The following PPP1R7 variants were observed in gnomAD, a reference collection of about 807,000 sequenced individuals.
PPP1R7 encodes the protein protein phosphatase 1 regulatory subunit 22.
PPP1R7 carries 18 observed loss-of-function variants against 45.2 expected under a neutral mutation model. The observed-to-expected ratio is 0.40, with a 90% confidence interval of 0.28 to 0.59. The LOEUF is 0.59. Among genes scored for constraint, PPP1R7 ranks in the 20% least tolerant of loss-of-function variants. PPP1R7 has a pLI of 0.46. For missense variants in PPP1R7, 314 were observed against 455.8 expected, an observed-to-expected ratio of 0.69 and a Z score of 2.83; for synonymous variants, 181 against 183.4, an observed-to-expected ratio of 0.99 and a Z score of 0.11.
intron 7 of PPP1R7, among the ~76,000 whole-genome samples, chr2:241,165,639 G>C (rs889111847): frequency 2.2e-4 from 34 of 152,134 alleles, no homozygotes; most frequent in African/African-American, 7.0e-4. Flanking sequence ...TGTCACCCAG[G>C]CTGGAGTGCA....
upstream of PPP1R7, chr2:241,150,308 TG>T: frequency 7.5e-7 from 1 of 1,335,350 alleles, no homozygotes; most frequent in Non-Finnish European, 9.6e-7. Context: ...TTACCTGCTC[TG>T]GGGGAGGCGC....
upstream of PPP1R7, chr2:241,150,413 G>C: frequency 8.1e-7 from 1 of 1,229,728 alleles, no homozygotes; most frequent in Non-Finnish European, 1.0e-6. Context: ...GAATCCCATT[G>C]GCAGGGCCGG....
intron 5 of PPP1R7, 123 bp downstream of exon 5, chr2:241,159,466 T>A (rs1018183536): frequency 9.6e-6 from 12 of 1,254,272 alleles, no homozygotes; most frequent in Non-Finnish European, 1.3e-5. Context: ...TGCCACAGGG[T>A]CCTGCCCTGC....
At chr2:241,154,542 G>A (rs57876287) in intron 2 of PPP1R7, among the ~76,000 whole-genome samples, 3 of 149,944 alleles carry the variant, frequency 2.0e-5, no homozygotes, top group Non-Finnish European at 2.9e-5. Flanking sequence ...ACAAAAAAAA[G>A]AAAAAAAGAA....
At chr2:241,162,506 G>A (rs1340395257) in intron 6 of PPP1R7, among the ~76,000 whole-genome samples, 1 of 152,124 alleles carries the variant, frequency 6.6e-6, no homozygotes, top group Non-Finnish European at 1.5e-5. Flanking sequence ...GTTGAATAGA[G>A]GAGCACACGA....
chr2:241,173,707 C>G (rs1054665624), intron 9 of PPP1R7, among the ~76,000 whole-genome samples: 3 of 152,234 alleles, frequency 2.0e-5, no homozygotes, highest in African/African-American at 7.2e-5. Context: ...GTTCCCCTGG[C>G]ACTAGCGAGG....
At chr2:241,156,462 G>A (rs1230689442) in intron 2 of PPP1R7, among the ~76,000 whole-genome samples, 1 of 152,192 alleles carries the variant, frequency 6.6e-6, no homozygotes, top group African/African-American at 2.4e-5. Context: ...CTTGAGGCTA[G>A]GAGTTCCAGA....
chr2:241,168,297 C>T (rs920096398), intron 8 of PPP1R7, among the ~76,000 whole-genome samples: 2 of 152,200 alleles, frequency 1.3e-5, no homozygotes, highest in Admixed American at 6.5e-5. Flanking sequence ...ACCACCGGCT[C>T]TGCCCCTCGT....
intron 9 of PPP1R7, among the ~76,000 whole-genome samples, chr2:241,176,601 G>A (rs145857209): frequency 0.018 from 2,704 of 152,092 alleles, 87 homozygotes; most frequent in African/African-American, 0.061. Flanking sequence ...GGGATTACAG[G>A]TGGCTGCCAC....
chr2:241,153,417 T>A, intron 1 of PPP1R7, 59 bp from the exon 2 acceptor site: 1 of 1,602,310 alleles, frequency 6.2e-7, no homozygotes. Context: ...GTGTTTATTA[T>A]ATGTTCCTCA....
At chr2:241,149,721 G>C (rs1246334033), upstream of PPP1R7, 4 of 1,549,826 alleles carry the variant, frequency 2.6e-6, no homozygotes, top group East Asian at 2.4e-5. Flanking sequence ...GAGTAGCGCA[G>C]AGCTCGCCTC....
upstream of PPP1R7, chr2:241,150,202 T>A: frequency 7.9e-7 from 1 of 1,273,244 alleles, no homozygotes; most frequent in African/African-American, 1.6e-5. Flanking sequence ...CCACTCCGTC[T>A]GCCTGCAGCT....
chr2:241,157,802 T>G lies in PPP1R7; in HGVS notation c.182-5T>G, dbSNP rs760887738. The G allele has an allele frequency of 1.2e-6, 2 of 1,613,214 alleles. No individual in the cohort carries two copies. The highest frequency in any genetic ancestry group is 1.7e-6 in the Non-Finnish European group (2 of 1,179,152). On this transcript the variant is annotated splice_region_variant and splice_polypyrimidine_tract_variant and intron_variant, in intron 2 of 9. Transcript: ENST00000234038. ...TGAACAAATCTCTTTTTCTTATTTT[T>G]TCAGAAGAACATGAGCTGCCTGTGG...
In PPP1R7 at chr2:241,171,145, T is replaced by C. The variant is rs551398153; in HGVS notation, c.906+1278T>C. Among the ~76,000 whole-genome samples, 7 of 152,330 alleles carry C rather than the reference T, an allele frequency of 4.6e-5. 1 individual carries two copies. The East Asian group carries it at 1.3e-3, about 29-fold the overall frequency. On this transcript the variant is annotated intron_variant, in intron 9 of 9. Transcript: ENST00000234038. ...GTTCCTGAAGCGTAACGATTCCTTC[T>C]GCATGCCCTGCCTAGGAACAGAGCA... is the stretch of plus-strand genomic sequence containing the variant.
Position 241,182,808 on chromosome 2 carries a change from G to A in PPP1R7, c.1068G>A (p.Thr356=), listed in dbSNP as rs772702724. ...CCTCCGTGCGGCAGATCGATGCCACGTTCGTCAGGTTCTGAGTCCTTCTTG... is the reference window on the plus strand; with the variant it reads ...CCTCCGTGCGGCAGATCGATGCCACATTCGTCAGGTTCTGAGTCCTTCTTG... ...ALPSVRQIDA[T]FVRF The change falls in exon 10 of 10, where the codon ACG becomes ACA. Residue 356 remains threonine (T), a synonymous_variant. Coordinates refer to ENST00000234038, the MANE Select transcript of PPP1R7 (RefSeq NM_002712.3). 9 of 1,612,626 alleles carry A rather than the reference G, an allele frequency of 5.6e-6. No individual in the cohort carries two copies. The highest frequency in any genetic ancestry group is 4.5e-5 in the East Asian group (2 of 44,834).
chr2:241,163,394 G>A lies in PPP1R7; in HGVS notation c.707G>A (p.Ser236Asn). The A allele has an allele frequency of 2.5e-6, 4 of 1,608,996 alleles. No individual in the cohort carries two copies. Among genetic ancestry groups the A allele is most frequent in the Non-Finnish European group, 3.4e-6 (4 of 1,175,334 alleles). The change falls in exon 7 of 10, where the codon AGT (serine) becomes AAT (asparagine). Residue 236 changes from serine to asparagine, a missense_variant. By Grantham distance (46) the Ser-to-Asn change is conservative. Around this residue, in one of 3 missense-constraint regions of PPP1R7, gnomAD observed 168 missense variants for 285.3 expected, o/e 0.59. Transcript: ENST00000234038. ...GCGCTCACCAACCTGACAGTCCTCA[G>A]TATGCAGGTACGGAGCTTCCTGAGC... Reference protein sequence around the residue: ...LDALTNLTVLSMQSNRLTKIE... With the variant: ...LDALTNLTVLNMQSNRLTKIE...
chr2:241,150,054 G>A (rs1559412228), upstream of PPP1R7: 1 of 1,363,490 alleles, frequency 7.3e-7, no homozygotes, highest in Admixed American at 3.2e-5. Context: ...AGAGGTCAGG[G>A]ATGCACGTAG....
chr2:241,160,555 G>T (rs1315085187), intron 6 of PPP1R7, 61 bp downstream of exon 6: 4 of 1,425,994 alleles, frequency 2.8e-6, no homozygotes, highest in South Asian at 2.8e-5. Flanking sequence ...GCTGTGTGTG[G>T]ACTCAGTGGG....
At chr2:241,174,530 C>T (rs2067875502) in intron 9 of PPP1R7, among the ~76,000 whole-genome samples, 1 of 151,994 alleles carries the variant, frequency 6.6e-6, no homozygotes, top group Non-Finnish European at 1.5e-5. Context: ...GCTTGGGTTC[C>T]GCCTCCTTGT....
Sources: allele counts gnomAD v4.1 joint callset (sites outside exome capture counted in the v4.1 genomes callset), GRCh38; gene constraint gnomAD v4.1.1; regional missense constraint gnomAD v4.1.1; transcripts MANE v1.5; gene names NCBI Gene and HGNC (gene_info 2026-07-23, HGNC 2026-07-21).